Variants in LRRC9 observed in about 807,000 individuals in gnomAD.
LRRC9 encodes leucine-rich repeat-containing protein 9.
LRRC9 carries 122 observed loss-of-function variants against 63.2 expected under a neutral mutation model. That is an observed-to-expected ratio of 1.93 (90% CI 1.67 to 2.24). The LOEUF (loss-of-function observed/expected upper bound fraction) is 2.24, where lower values mean the gene tolerates loss of function less well. Among genes scored for constraint, LRRC9 ranks in the 30% most tolerant of loss-of-function variants. LRRC9 has a pLI of 0.00. For missense variants in LRRC9, 1,071 were observed against 627.7 expected (o/e 1.71, Z -7.55); for synonymous variants, 366 against 213.1 (o/e 1.72, Z -6.25).
intron 9 of LRRC9, among the ~76,000 whole-genome samples, chr14:59,960,249 C>G (rs554000175): frequency 6.6e-6 from 1 of 152,176 alleles, no homozygotes; most frequent in Non-Finnish European, 1.5e-5. Flanking sequence ...AAGCTTCCCC[C>G]CAGTGGATTC....
chr14:59,953,504 ATTTG>A (rs1440730243), intron 8 of LRRC9, among the ~76,000 whole-genome samples: 4 of 151,978 alleles, frequency 2.6e-5, no homozygotes, highest in Admixed American at 6.6e-5. Flanking sequence ...TTGTTTGCAA[ATTTG>A]TAAATTTTTT....
chr14:59,967,919 T>C (rs752456855), intron 12 of LRRC9, among the ~76,000 whole-genome samples: 1 of 152,224 alleles, frequency 6.6e-6, no homozygotes, highest in Non-Finnish European at 1.5e-5. Context: ...TGCAGAGTTG[T>C]TGTTAGGATT....
intron 23 of LRRC9, among the ~76,000 whole-genome samples, chr14:60,015,206 A>T (rs1164143864): frequency 6.6e-6 from 1 of 151,980 alleles, no homozygotes; most frequent in Non-Finnish European, 1.5e-5. Context: ...TGTTTCAAGT[A>T]TGTCCATAAT....
At chr14:59,920,014 G>A (rs1042333381) in intron 1 of LRRC9, 130 bp from the exon 1 acceptor site, 1 of 152,176 alleles carries the variant, frequency 6.6e-6, no homozygotes, top group South Asian at 2.1e-4. Context: ...TCGCCACCAC[G>A]TGATGCAAAC....
At position 59,919,741 on chromosome 14, in the gene LRRC9, G is replaced by C. The variant is rs1374873789; in HGVS notation, c.-176G>C. ...ACAGGGCCATGCCCTCGGGGCTCAA[G>C]GCCAGAGAGGCTCCGCGCTTCCAGG... On this transcript the variant is annotated 5_prime_UTR_variant, in exon 1 of 32. Transcript: ENST00000445360. The surrounding 1 kb of genome is among the most constrained non-coding windows in gnomAD (Gnocchi z 4.5). 1 of 152,402 alleles carries C rather than the reference G, an allele frequency of 6.6e-6. No homozygotes were observed. Among genetic ancestry groups the C allele is most frequent in the Non-Finnish European group, 1.5e-5 (1 of 68,178 alleles). 9.4% of individuals were successfully genotyped at this position (152,402 alleles called of 1,614,324 possible).
At chr14:60,032,905 A>G (rs1243309184) in intron 29 of LRRC9, among the ~76,000 whole-genome samples, 1 of 152,154 alleles carries the variant, frequency 6.6e-6, no homozygotes, top group Admixed American at 6.5e-5. Context: ...GGAGGGCCAC[A>G]TCATAGAGCT....
intron 7 of LRRC9, among the ~76,000 whole-genome samples, chr14:59,939,907 A>G (rs766154608): frequency 7.2e-5 from 11 of 152,056 alleles, no homozygotes; most frequent in Non-Finnish European, 1.2e-4. Flanking sequence ...GATTGGGGGT[A>G]TAAATTAAAA....
Position 60,027,749 on chromosome 14 carries a change from T to C in LRRC9, c.3704-135T>C. Reference sequence around the variant, plus strand: ...CCTGTAAATTACATTTCAATTTCTCTTTGGAAATAAGTTTCTTGAATCCTT... The same window carrying C: ...CCTGTAAATTACATTTCAATTTCTCCTTGGAAATAAGTTTCTTGAATCCTT... On this transcript the variant is annotated intron_variant, in intron 27 of 31. Transcript: ENST00000445360. The surrounding 1 kb of genome is among the most constrained non-coding windows in gnomAD (Gnocchi z 4.0). 1.9e-6 allele frequency: 1 copy of C among 533,208 alleles called. No homozygotes were observed. Among genetic ancestry groups the C allele is most frequent in the Non-Finnish European group, 3.3e-6 (1 of 302,976 alleles). 33.0% of individuals were successfully genotyped at this position (533,208 alleles called of 1,614,324 possible).
intron 17 of LRRC9, among the ~76,000 whole-genome samples, chr14:59,988,679 A>T (rs1241564312): frequency 6.6e-6 from 1 of 152,144 alleles, no homozygotes; most frequent in Admixed American, 6.5e-5. Flanking sequence ...TAAAATAATT[A>T]TACTATAACT....
intron 22 of LRRC9, among the ~76,000 whole-genome samples, chr14:60,007,621 T>C: frequency 6.6e-6 from 1 of 152,174 alleles, no homozygotes; most frequent in South Asian, 2.1e-4. Flanking sequence ...ACAAAGTATA[T>C]TTGTCTTAAA....
Position 59,932,895 on chromosome 14 carries a change from G to A in LRRC9, c.543+856G>A, listed in dbSNP as rs1240688390. Among the ~76,000 whole-genome samples, 11 of 151,896 alleles carry A rather than the reference G, an allele frequency of 7.2e-5. No homozygotes were observed. Among genetic ancestry groups the A allele is most frequent in the Admixed American group, 3.3e-4 (5 of 15,236 alleles). Reference sequence around the variant, plus strand: ...ACCCTTCTGCTTAAAACCCTCCGTCGCCTTCTCATCTATTTCAGAGTAGAA... The same window carrying A: ...ACCCTTCTGCTTAAAACCCTCCGTCACCTTCTCATCTATTTCAGAGTAGAA... On this transcript the variant is annotated intron_variant, in intron 6 of 31. Coordinates refer to ENST00000445360, the Ensembl canonical transcript of LRRC9. This position sits in a 1 kb window ranked among gnomAD's most constrained non-coding sequence, Gnocchi z 4.7.
intron 20 of LRRC9, among the ~76,000 whole-genome samples, chr14:60,002,680 G>A (rs1889483585): frequency 6.6e-6 from 1 of 152,126 alleles, no homozygotes; most frequent in African/African-American, 2.4e-5. Context: ...AAAACAGGGA[G>A]GTCAAGTCAT....
At chr14:60,021,892 T>C (rs1891143895) in intron 26 of LRRC9, among the ~76,000 whole-genome samples, 1 of 151,954 alleles carries the variant, frequency 6.6e-6, no homozygotes, top group Non-Finnish European at 1.5e-5. Flanking sequence ...ACTGTGGTTT[T>C]ATAAAAAATT....
At chr14:59,999,213 C>A (rs907748008) in exon 19 of LRRC9, 3 of 700,600 alleles carry the variant, frequency 4.3e-6, no homozygotes, top group East Asian at 2.7e-5. Context: ...ATTGCAGGAA[C>A]AAGGATTACT....
At position 59,972,586 on chromosome 14, in the gene LRRC9, T is replaced by C. The variant is rs559979870; in HGVS notation, c.1507-1990T>C. 2.2e-4 allele frequency among the ~76,000 whole-genome samples: 34 copies of C among 152,098 alleles called. No individual in the cohort carries two copies. The South Asian group carries it at 7.1e-3, about 32-fold the overall frequency. ...CCCCCCACCACCCCAAACTTCTGCATTTGCTTTATCTACACATGCCTTGCC... is the reference window on the plus strand; with the variant it reads ...CCCCCCACCACCCCAAACTTCTGCACTTGCTTTATCTACACATGCCTTGCC... On this transcript the variant is annotated intron_variant, in intron 12 of 31. Transcript: ENST00000445360.
chr14:59,951,440 T>G (rs2139906902), intron 8 of LRRC9, among the ~76,000 whole-genome samples: 1 of 125,754 alleles, frequency 8.0e-6, no homozygotes, highest in African/African-American at 2.9e-5. Context: ...GACTTTGGTT[T>G]GAATGTCCTC....
At chr14:60,032,354 T>C (rs574215975) in intron 29 of LRRC9, among the ~76,000 whole-genome samples, 1 of 152,238 alleles carries the variant, frequency 6.6e-6, no homozygotes, top group South Asian at 2.1e-4. Flanking sequence ...TAAGCCTTGA[T>C]GTCTGGTAGA....
At chr14:60,008,059 C>T (rs1485711506) in intron 22 of LRRC9, 33 bp from the exon 23 acceptor site, 4 of 611,366 alleles carry the variant, frequency 6.5e-6, no homozygotes, top group African/African-American at 1.9e-5. Flanking sequence ...TTTAAATATA[C>T]ATATAGATGA....
chr14:59,978,656 T>C (rs1465526631), intron 15 of LRRC9, among the ~76,000 whole-genome samples: 1 of 152,206 alleles, frequency 6.6e-6, no homozygotes, highest in Non-Finnish European at 1.5e-5. Context: ...TGCATATTAT[T>C]CAGTAATACT....
Sources: gnomAD v4.1 joint callset for allele counts (sites outside exome capture counted in the v4.1 genomes callset) on GRCh38, gnomAD v4.1.1 for gene constraint, Gnocchi (gnomAD v3.1) non-coding constraint, MANE v1.5 for transcripts, NCBI Gene and HGNC (gene_info 2026-07-23, HGNC 2026-07-21) for gene names.